The following CENPH variants were observed in gnomAD, a reference collection of about 807,000 sequenced individuals.
CENPH encodes CENP-H.
A neutral mutation model predicts 42.9 loss-of-function variants in CENPH; 40 were observed. The ratio of observed to expected loss-of-function variants is 0.93; its 90% confidence interval spans 0.72 to 1.21. The LOEUF (loss-of-function observed/expected upper bound fraction) is 1.21, where lower values mean the gene tolerates loss of function less well. Among genes scored for constraint, CENPH ranks in the 50% most tolerant of loss-of-function variants. The probability of loss-of-function intolerance (pLI) is 0.00; values close to 1 mark genes in which losing one functional copy is unlikely to be tolerated. For synonymous variants in CENPH, 88 were observed against 96.5 expected, an observed-to-expected ratio of 0.91 and a Z score of 0.52; for missense variants, 302 against 292.9, an observed-to-expected ratio of 1.03 and a Z score of -0.23.
chr5:69,208,861 G>C (rs1479617447), intron 8 of CENPH, among the ~76,000 whole-genome samples: 2 of 151,626 alleles, frequency 1.3e-5, no homozygotes, highest in African/African-American at 4.8e-5. Context: ...GCAGTGGCAT[G>C]ATCTCGGTCC....
chr5:69,200,717 A>ATTTTTTTTTTTT (rs1554058445), intron 5 of CENPH, among the ~76,000 whole-genome samples: 1 of 40,976 alleles, frequency 2.4e-5, no homozygotes, highest in Non-Finnish European at 5.8e-5. Context: ...GAATCAGCGT[A>ATTTTTTTTTTTT]TCTTTTTTTT....
intron 1 of CENPH, 79 bp downstream of exon 1, chr5:69,189,847 G>C (rs973105866): frequency 7.2e-7 from 1 of 1,393,818 alleles, no homozygotes; most frequent in South Asian, 1.5e-5. Context: ...GAAGGGCTAG[G>C]GTTCGAATTC....
intron 1 of CENPH, among the ~76,000 whole-genome samples, chr5:69,191,356 C>A (rs895591773): frequency 6.6e-6 from 1 of 151,938 alleles, no homozygotes; most frequent in Non-Finnish European, 1.5e-5. Context: ...ACTAAAAATA[C>A]AAAAAATTAG....
chr5:69,197,159 G>T, intron 5 of CENPH, 50 bp downstream of exon 5: 2 of 1,174,354 alleles, frequency 1.7e-6, no homozygotes, highest in South Asian at 3.5e-5. Context: ...TCTGCATAGT[G>T]ACTTTAGTTT....
chr5:69,189,889 C>T (rs1561320014), intron 1 of CENPH, 121 bp downstream of exon 1: 1 of 1,113,102 alleles, frequency 9.0e-7, no homozygotes, highest in East Asian at 2.9e-5. Context: ...CCGTGATTGC[C>T]TCATTCACTT....
Position 69,189,631 on chromosome 5 carries a change from A to T in CENPH, c.-4A>T. On this transcript the variant is annotated 5_prime_UTR_variant, in exon 1 of 9. Coordinates refer to ENST00000283006, the MANE Select transcript of CENPH (RefSeq NM_022909.4). ...TGAGTGGTAGCCTTTCCCCTCAACC[A>T]GCAATGGAGGAGCAGCCCCAGATGC... The T allele has an allele frequency of 6.3e-7, 1 of 1,598,732 alleles. No homozygotes were observed. The highest frequency in any genetic ancestry group is 1.1e-5 in the South Asian group (1 of 89,290).
chr5:69,206,548 G>C (rs1039068196), intron 7 of CENPH, among the ~76,000 whole-genome samples: 2 of 151,966 alleles, frequency 1.3e-5, no homozygotes, highest in Admixed American at 1.3e-4. Context: ...GAGTGCAATG[G>C]CGTGATCTCG....
At chr5:69,195,820 T>C (rs763683166) in intron 4 of CENPH, 29 bp downstream of exon 4, 3 of 1,146,444 alleles carry the variant, frequency 2.6e-6, no homozygotes, top group South Asian at 2.7e-5. Flanking sequence ...ATATAAGCAT[T>C]GTGAACTGAC....
chr5:69,208,659 A>T (rs995586818), intron 8 of CENPH, among the ~76,000 whole-genome samples: 1 of 151,690 alleles, frequency 6.6e-6, no homozygotes. Context: ...GCGCCTGGCC[A>T]ACTATTTGAT....
chr5:69,190,855 C>T (rs1241352403), intron 1 of CENPH, among the ~76,000 whole-genome samples: 1 of 151,814 alleles, frequency 6.6e-6, no homozygotes, highest in Non-Finnish European at 1.5e-5. Context: ...TGTGCCATTG[C>T]ACTCCAGCCT....
intron 1 of CENPH, among the ~76,000 whole-genome samples, chr5:69,189,990 A>G (rs1182309040): frequency 6.6e-6 from 1 of 152,190 alleles, no homozygotes; most frequent in Admixed American, 6.6e-5. Context: ...ATAGTCTAGG[A>G]AAGTGTTGAG....
chr5:69,197,955 C>T (rs1256366106), intron 5 of CENPH, among the ~76,000 whole-genome samples: 1 of 107,980 alleles, frequency 9.3e-6, no homozygotes, highest in Non-Finnish European at 1.7e-5. Context: ...CAGTCTTGCT[C>T]TGTCGCCCAG....
At chr5:69,203,101 C>A in intron 7 of CENPH, 131 bp downstream of exon 7, 1 of 671,040 alleles carries the variant, frequency 1.5e-6, no homozygotes, top group Non-Finnish European at 2.6e-6. Context: ...TTTGACATGG[C>A]AACTTAAAAA....
At chr5:69,208,117 G>C in intron 7 of CENPH, 79 bp from the exon 8 acceptor site, 2 of 715,578 alleles carry the variant, frequency 2.8e-6, no homozygotes, top group South Asian at 6.2e-5. Flanking sequence ...ACCAAGAAGT[G>C]ATCTGCTTCA....
At chr5:69,195,828 G>A (rs1008750914) in intron 4 of CENPH, 37 bp downstream of exon 4, 1 of 1,033,384 alleles carries the variant, frequency 9.7e-7, no homozygotes, top group Non-Finnish European at 1.5e-6. Flanking sequence ...ATTGTGAACT[G>A]ACTGCAAAAT....
intron 3 of CENPH, among the ~76,000 whole-genome samples, chr5:69,195,478 A>G (rs1188256289): frequency 6.6e-6 from 1 of 152,196 alleles, no homozygotes; most frequent in African/African-American, 2.4e-5. Flanking sequence ...GGAGATTTAT[A>G]TGTACACAAG....
intron 1 of CENPH, 66 bp from the exon 2 acceptor site, chr5:69,191,729 A>T (rs1747875030): frequency 1.1e-6 from 1 of 879,804 alleles, no homozygotes; most frequent in Non-Finnish European, 1.9e-6. Context: ...TTGGTTCGTC[A>T]TGTGGTAATG....
At chr5:69,193,607 G>A (rs1269627482) in intron 2 of CENPH, among the ~76,000 whole-genome samples, 1 of 151,888 alleles carries the variant, frequency 6.6e-6, no homozygotes, top group East Asian at 1.9e-4. Flanking sequence ...ACAGTGACAG[G>A]AGACCCTGTC....
intron 1 of CENPH, among the ~76,000 whole-genome samples, 158 bp downstream of exon 1, chr5:69,189,926 G>C (rs924744883): frequency 6.6e-6 from 1 of 152,214 alleles, no homozygotes; most frequent in African/African-American, 2.4e-5. Context: ...TTCTTCATCA[G>C]CGAAAAGGAG....
Sources: allele counts gnomAD v4.1 joint callset (sites outside exome capture counted in the v4.1 genomes callset), GRCh38; gene constraint gnomAD v4.1.1; transcripts MANE v1.5; gene names NCBI Gene and HGNC (gene_info 2026-07-23, HGNC 2026-07-21).